PIWIL2: variants seen among roughly 807,000 people sequenced by gnomAD.
PIWIL2 encodes piwi like RNA-mediated gene silencing 2.
Under a neutral mutation model 116.5 loss-of-function variants are expected in PIWIL2, and 81 were observed. The ratio of observed to expected loss-of-function variants is 0.70; its 90% confidence interval spans 0.58 to 0.84. The LOEUF (loss-of-function observed/expected upper bound fraction) is 0.84, where lower values mean the gene tolerates loss of function less well. Ranked by LOEUF, PIWIL2 falls within the 40% of genes least tolerant of loss-of-function variation. The pLI is 0.00. For synonymous variants in PIWIL2, 489 were observed against 429.5 expected (o/e 1.14, Z -1.71); for missense variants, 1,272 against 1,212.3 (o/e 1.05, Z -0.73).
chr8:22,346,361 G>A (rs1351835113), intron 20 of PIWIL2, among the ~76,000 whole-genome samples: 1 of 152,204 alleles, frequency 6.6e-6, no homozygotes, highest in Non-Finnish European at 1.5e-5. Flanking sequence ...CAGCAGCCCT[G>A]CCAGGGAAGA....
chr8:22,344,736 C>T (rs1445254598), intron 20 of PIWIL2, among the ~76,000 whole-genome samples: 2 of 152,010 alleles, frequency 1.3e-5, no homozygotes, highest in African/African-American at 4.8e-5. Context: ...ATTATCTGGT[C>T]ATGATGGTAC....
intron 16 of PIWIL2, among the ~76,000 whole-genome samples, chr8:22,312,915 A>G (rs1831367972): frequency 6.6e-6 from 1 of 152,158 alleles, no homozygotes; most frequent in Admixed American, 6.5e-5. Context: ...TGCTGGGATT[A>G]CAGGTGTGAG....
chr8:22,350,243 C>T (rs1171568313), intron 20 of PIWIL2, among the ~76,000 whole-genome samples: 1 of 152,016 alleles, frequency 6.6e-6, no homozygotes, highest in Non-Finnish European at 1.5e-5. Context: ...GGAGGAAACT[C>T]AAGTGCTATT....
chr8:22,353,036 C>A lies in PIWIL2; in HGVS notation c.2481C>A (p.Asn827Lys). The A allele has an allele frequency of 6.2e-7, 1 of 1,614,042 alleles. No homozygotes were observed. The highest frequency in any genetic ancestry group is 1.7e-5 in the Admixed American group (1 of 60,020). ...ATGGCCAACTGAAGACAGTTGCCAA[C>A]TATGAGATTCCTCAACTACAGAAGT... ...VSDGQLKTVA[N>K]YEIPQLQKCF... Residue 827 changes from asparagine to lysine, a missense_variant, in exon 21 of 23, where the codon AAC becomes AAA. Coordinates refer to ENST00000356766, the MANE Select transcript of PIWIL2 (RefSeq NM_018068.5).
At chr8:22,296,367 A>G (rs561961834) in intron 10 of PIWIL2, among the ~76,000 whole-genome samples, 1 of 152,138 alleles carries the variant, frequency 6.6e-6, no homozygotes, top group Admixed American at 6.5e-5. Context: ...CTTAAGGGGA[A>G]TCTCCTGTAT....
At chr8:22,307,553 G>A (rs543865095) in intron 13 of PIWIL2, among the ~76,000 whole-genome samples, 19 of 141,468 alleles carry the variant, frequency 1.3e-4, no homozygotes, top group Admixed American at 1.1e-3. Context: ...TACAATCATG[G>A]CTCACTGCAG....
intron 20 of PIWIL2, 33 bp downstream of exon 20, chr8:22,318,308 G>GT (rs757864436): frequency 1.6e-6 from 2 of 1,227,506 alleles, no homozygotes; most frequent in East Asian, 2.3e-5. Flanking sequence ...GGCTTCTGGG[G>GT]TTTTTTGTTT....
chr8:22,317,669 A>T (rs6987073), intron 19 of PIWIL2, among the ~76,000 whole-genome samples: 5,516 of 149,766 alleles, frequency 0.037, 279 homozygotes, highest in African/African-American at 0.11. Context: ...TTATTTATTT[A>T]TTTTTTTTGA....
At chr8:22,293,577 A>G (rs1032173907) in intron 10 of PIWIL2, among the ~76,000 whole-genome samples, 22 of 152,190 alleles carry the variant, frequency 1.4e-4, no homozygotes, top group Admixed American at 2.0e-4. Context: ...CGCCTGCCTC[A>G]GCTTCCCAAA....
chr8:22,334,733 A>C (rs560418583), intron 20 of PIWIL2, among the ~76,000 whole-genome samples: 1 of 151,982 alleles, frequency 6.6e-6, no homozygotes, highest in South Asian at 2.1e-4. Flanking sequence ...GGTATAAGCT[A>C]CTGTGCCTGG....
intron 16 of PIWIL2, among the ~76,000 whole-genome samples, chr8:22,311,586 G>A (rs940555019): frequency 1.3e-5 from 2 of 152,272 alleles, no homozygotes; most frequent in South Asian, 2.1e-4. Flanking sequence ...AGAACATGTT[G>A]TGCTCAGAAA....
chr8:22,352,821 C>T (rs1832403143), intron 20 of PIWIL2, 138 bp from the exon 21 acceptor site: 4 of 823,004 alleles, frequency 4.9e-6, no homozygotes, highest in Non-Finnish European at 7.5e-6. Flanking sequence ...TCCCTGCCCT[C>T]TAGGCACAGT....
At chr8:22,306,041 G>T in intron 13 of PIWIL2, 25 bp downstream of exon 13, 1 of 1,525,790 alleles carries the variant, frequency 6.6e-7, no homozygotes, top group Admixed American at 1.7e-5. Flanking sequence ...TTTTCAGCCG[G>T]AAATGCCCAC....
chr8:22,350,951 C>T (rs939052686), intron 20 of PIWIL2, among the ~76,000 whole-genome samples: 1 of 152,038 alleles, frequency 6.6e-6, no homozygotes. Context: ...GACCAGCCTG[C>T]CCTACGTGGC....
At chr8:22,279,816 G>C (rs1042644403) in intron 2 of PIWIL2, among the ~76,000 whole-genome samples, 2 of 152,170 alleles carry the variant, frequency 1.3e-5, no homozygotes, top group Non-Finnish European at 2.9e-5. Context: ...AATTAGCCAG[G>C]TGTGGTGGCG....
At chr8:22,320,783 G>C (rs1831579888) in intron 20 of PIWIL2, among the ~76,000 whole-genome samples, 1 of 151,384 alleles carries the variant, frequency 6.6e-6, no homozygotes, top group Non-Finnish European at 1.5e-5. Context: ...AGTAGAGATG[G>C]GGTTTTGCCA....
chr8:22,291,668 A>G (rs1049592613), intron 10 of PIWIL2, among the ~76,000 whole-genome samples: 11 of 152,118 alleles, frequency 7.2e-5, no homozygotes, highest in African/African-American at 1.9e-4. Context: ...CCCACCAGCT[A>G]TGTACAACCA....
intron 20 of PIWIL2, among the ~76,000 whole-genome samples, chr8:22,328,699 A>G (rs914580421): frequency 2.0e-5 from 3 of 151,908 alleles, no homozygotes; most frequent in Admixed American, 6.6e-5. Flanking sequence ...GCTATTGTAA[A>G]TGGAATAGTT....
At position 22,311,907 on chromosome 8, in the gene PIWIL2, G is replaced by A. The variant is rs190458706; in HGVS notation, c.1989+607G>A. Among the ~76,000 whole-genome samples, 29 of 152,334 alleles carry A rather than the reference G, an allele frequency of 1.9e-4. No homozygotes were observed. In the East Asian group the frequency reaches 4.8e-3, roughly 25 times the overall value. The stretch of plus-strand genomic sequence containing the variant: ...ACATTCTGGTAAATTGTTCTGGTGA[G>A]TTCAATCCTAGAATTCAATCATCTT... On this transcript the variant is annotated intron_variant, in intron 16 of 22. Coordinates refer to ENST00000356766, the MANE Select transcript of PIWIL2 (RefSeq NM_018068.5).
Sources: gnomAD v4.1 joint callset for allele counts (sites outside exome capture counted in the v4.1 genomes callset) on GRCh38, gnomAD v4.1.1 for gene constraint, MANE v1.5 for transcripts, NCBI Gene and HGNC (gene_info 2026-07-23, HGNC 2026-07-21) for gene names.